The following CUL4A variants were observed in gnomAD, a reference collection of about 807,000 sequenced individuals.
CUL4A encodes cullin-4A.
In CUL4A, 16 loss-of-function variants were observed where a neutral mutation model predicts 95.5. That is an observed-to-expected ratio of 0.17 (90% confidence interval 0.11 to 0.25). The LOEUF is 0.25. CUL4A is among the 10% of genes least tolerant of loss of function. The pLI is 1.00. For missense variants in CUL4A, 610 were observed against 937.0 expected (o/e 0.65, Z 4.56); for synonymous variants, 380 against 353.1 (o/e 1.08, Z -0.85).
In CUL4A at chr13:113,263,681, T is replaced by G; in HGVS notation, c.*99T>G. The G allele has an allele frequency of 5.9e-6, 4 of 680,366 alleles. No homozygotes were observed. Among genetic ancestry groups the G allele is most frequent in the Non-Finnish European group, 9.6e-6 (4 of 417,950 alleles). 42.1% of individuals were successfully genotyped at this position (680,366 alleles called of 1,614,324 possible). A position where few individuals can be genotyped will look rare whatever the true frequency, so the allele number is the denominator to read the frequency against. On this transcript the variant is annotated 3_prime_UTR_variant, in exon 20 of 20. Coordinates refer to ENST00000375440, the MANE Select transcript of CUL4A (RefSeq NM_001008895.4). Reference sequence around the variant, plus strand: ...TCTGGGACTCTGATTGATCCAGCTGTGGACATTGGAAGGCGAAGGAAGGGA... The same window carrying G: ...TCTGGGACTCTGATTGATCCAGCTGGGGACATTGGAAGGCGAAGGAAGGGA...
At chr13:113,211,008 GTT>G (rs1250894355) in intron 2 of CUL4A, among the ~76,000 whole-genome samples, 3 of 152,178 alleles carry the variant, frequency 2.0e-5, no homozygotes, top group Admixed American at 6.5e-5. Context: ...ACTTCAGGAA[GTT>G]TTAACAGATG....
chr13:113,227,837 A>C, intron 3 of CUL4A, 139 bp from the exon 4 acceptor site: 1 of 491,720 alleles, frequency 2.0e-6, no homozygotes, highest in Non-Finnish European at 3.7e-6. Context: ...CCTGGGAGGC[A>C]GAGGCTGCAC....
intron 19 of CUL4A, among the ~76,000 whole-genome samples, chr13:113,262,067 C>T (rs1182404766): frequency 2.0e-5 from 3 of 152,186 alleles, no homozygotes; most frequent in Non-Finnish European, 4.4e-5. Context: ...CGTGAGCCAC[C>T]GCGCCCAGCC....
intron 2 of CUL4A, among the ~76,000 whole-genome samples, chr13:113,218,536 A>G (rs987227973): frequency 2.0e-5 from 3 of 152,178 alleles, no homozygotes; most frequent in African/African-American, 7.2e-5. Flanking sequence ...AGGTGAACTT[A>G]AACACAAACA....
intron 2 of CUL4A, among the ~76,000 whole-genome samples, chr13:113,212,384 A>G (rs2040483019): frequency 6.6e-6 from 1 of 152,228 alleles, no homozygotes; most frequent in East Asian, 1.9e-4. Context: ...CTGAGGTCAC[A>G]AAGTTTTCTC....
chr13:113,261,034 A>G (rs771474373), intron 19 of CUL4A, among the ~76,000 whole-genome samples: 1 of 152,224 alleles, frequency 6.6e-6, no homozygotes, highest in Non-Finnish European at 1.5e-5. Flanking sequence ...GGGACATGGA[A>G]AGCTGAACAC....
At chr13:113,229,593 G>C in intron 5 of CUL4A, 74 bp downstream of exon 5, 4 of 1,219,486 alleles carry the variant, frequency 3.3e-6, no homozygotes, top group Non-Finnish European at 4.7e-6. Context: ...GTCTTCCGCA[G>C]GCTAAGATGG....
intron 5 of CUL4A, chr13:113,229,974 T>C (rs1306002804): frequency 8.9e-6 from 3 of 336,328 alleles, no homozygotes; most frequent in African/African-American, 6.3e-5. Flanking sequence ...TCGGGGACTG[T>C]ATACACCAGG....
chr13:113,262,161 G>A (rs1183718948), intron 19 of CUL4A, among the ~76,000 whole-genome samples: 2 of 152,224 alleles, frequency 1.3e-5, no homozygotes, highest in Non-Finnish European at 2.9e-5. Flanking sequence ...CCCTTGTATA[G>A]GGAGAGCCTT....
intron 17 of CUL4A, 27 bp from the exon 18 acceptor site, chr13:113,254,926 C>T (rs780764835): frequency 2.5e-6 from 4 of 1,608,112 alleles, no homozygotes; most frequent in Non-Finnish European, 8.5e-7. Flanking sequence ...TAACGCCAGC[C>T]TTTGCCTGCA....
At chr13:113,224,302 G>A (rs1281945967) in intron 3 of CUL4A, among the ~76,000 whole-genome samples, 3 of 151,878 alleles carry the variant, frequency 2.0e-5, no homozygotes, top group East Asian at 3.9e-4. Flanking sequence ...GCAGTGAGCC[G>A]AGATCGCACC....
At chr13:113,234,840 G>A (rs560318331) in intron 7 of CUL4A, among the ~76,000 whole-genome samples, 2 of 152,208 alleles carry the variant, frequency 1.3e-5, no homozygotes, top group South Asian at 4.1e-4. Context: ...GTGCAGCCTG[G>A]GCCCTGTTGT....
chr13:113,215,154 C>T (rs1002499256), intron 2 of CUL4A, among the ~76,000 whole-genome samples: 7 of 143,568 alleles, frequency 4.9e-5, no homozygotes, highest in South Asian at 2.2e-4. Context: ...CTGTGGAGGT[C>T]GCTGTGTGAC....
At chr13:113,234,853 G>A (rs1483594011) in intron 7 of CUL4A, among the ~76,000 whole-genome samples, 1 of 152,152 alleles carries the variant, frequency 6.6e-6, no homozygotes, top group Non-Finnish European at 1.5e-5. Context: ...CCTGTTGTAG[G>A]ATGGATGTTA....
intron 9 of CUL4A, among the ~76,000 whole-genome samples, chr13:113,237,310 C>T (rs551706956): frequency 1.6e-4 from 24 of 152,328 alleles, no homozygotes; most frequent in African/African-American, 4.8e-4. Flanking sequence ...CTGCGGACTT[C>T]GTGCATCTTA....
chr13:113,233,363 T>C (rs1271026654), intron 6 of CUL4A, 24 bp downstream of exon 6: 8 of 1,597,894 alleles, frequency 5.0e-6, no homozygotes, highest in Non-Finnish European at 5.1e-6. Flanking sequence ...GTGCGGAAGA[T>C]ACCTGGGTAC....
intron 18 of CUL4A, among the ~76,000 whole-genome samples, chr13:113,257,638 C>A (rs1328533459): frequency 6.6e-6 from 1 of 152,162 alleles, no homozygotes; most frequent in Non-Finnish European, 1.5e-5. Context: ...TCATGAGGGA[C>A]CTGCCCCCAC....
chr13:113,262,671 T>C (rs1409544764), intron 19 of CUL4A, among the ~76,000 whole-genome samples: 1 of 152,102 alleles, frequency 6.6e-6, no homozygotes, highest in African/African-American at 2.4e-5. Context: ...CAAAATAAAA[T>C]ACACTACTTA....
chr13:113,240,397 C>T (rs1177525065), intron 10 of CUL4A, among the ~76,000 whole-genome samples: 1 of 152,200 alleles, frequency 6.6e-6, no homozygotes, highest in Non-Finnish European at 1.5e-5. Context: ...TCCAGATGCC[C>T]CTCACAGAAA....
Sources: allele counts gnomAD v4.1 joint callset (sites outside exome capture counted in the v4.1 genomes callset), GRCh38; gene constraint gnomAD v4.1.1; transcripts MANE v1.5; gene names NCBI Gene and HGNC (gene_info 2026-07-23, HGNC 2026-07-21).